AMOT: variants seen among roughly 807,000 people sequenced by gnomAD.
AMOT encodes angiomotin.
Under a neutral mutation model 67.0 loss-of-function variants are expected in AMOT, and 11 were observed. That is an observed-to-expected ratio of 0.16 (90% CI 0.10 to 0.27). The LOEUF is 0.27. Among genes scored for constraint, AMOT ranks in the 10% least tolerant of loss-of-function variants. The pLI, the probability that AMOT is intolerant of heterozygous loss-of-function variation, is 1.00. For synonymous variants in AMOT, 326 were observed against 321.4 expected, an observed-to-expected ratio of 1.01 and a Z score of -0.15; for missense variants, 753 against 852.0, an observed-to-expected ratio of 0.88 and a Z score of 1.45.
At chrX:112,784,065 G>A (rs112080636) in intron 10 of AMOT, among the ~76,000 whole-genome samples, 6,602 of 111,805 alleles carry the variant, frequency 0.059, 173 homozygotes, top group Middle Eastern at 0.098. Context: ...ACCATTTATG[G>A]AATGATGAAA....
At chrX:112,827,108 C>T (rs1357242338) in intron 2 of AMOT, among the ~76,000 whole-genome samples, 1 of 112,687 alleles carries the variant, frequency 8.9e-6, no homozygotes, top group African/African-American at 3.2e-5. Context: ...CTGCCTGCCT[C>T]GGTCTCCCAA....
intron 2 of AMOT, among the ~76,000 whole-genome samples, chrX:112,831,201 C>T (rs764839053): frequency 9.1e-6 from 1 of 110,261 alleles, no homozygotes; most frequent in African/African-American, 3.3e-5. Flanking sequence ...GGTTTAACAA[C>T]AGTGGACACA....
At chrX:112,811,414 ATGG>A (rs1295742186) in intron 5 of AMOT, 21 bp from the exon 6 acceptor site, 1 of 1,193,901 alleles carries the variant, frequency 8.4e-7, no homozygotes, top group Admixed American at 2.2e-5. Context: ...AAAAAAGACA[ATGG>A]TGGTGATGGT....
At chrX:112,840,384 C>A (rs1935262936) in intron 1 of AMOT, 68 bp downstream of exon 1, 1 of 112,674 alleles carries the variant, frequency 8.9e-6, no homozygotes, top group Non-Finnish European at 1.9e-5. Context: ...GCCGAGGGCA[C>A]GACCAAGTTC....
At chrX:112,835,933 A>G (rs994931437) in intron 1 of AMOT, among the ~76,000 whole-genome samples, 16 of 111,799 alleles carry the variant, frequency 1.4e-4, no homozygotes, top group African/African-American at 5.2e-4. Context: ...TTGTTATCAA[A>G]GGAAAATTAA....
chrX:112,804,898 T>TGGCCCCC, intron 8 of AMOT, 49 bp downstream of exon 8: 2 of 837,583 alleles, frequency 2.4e-6, no homozygotes, highest in Non-Finnish European at 1.7e-6. Context: ...GTCCCCGATT[T>TGGCCCCC]CCCAGCCCTC....
chrX:112,790,575 A>C lies in AMOT; in HGVS notation c.2117+17T>G. 8.5e-7 allele frequency: 1 copy of C among 1,174,136 alleles called. No individual in the cohort carries two copies. Among genetic ancestry groups the C allele is most frequent in the Non-Finnish European group, 1.1e-6 (1 of 875,301 alleles). On this transcript the variant is annotated intron_variant, in intron 10 of 13. Transcript: ENST00000371959. The stretch of plus-strand genomic sequence containing the variant: ...TTTCTGTTCTTCCCACTCATGCCCT[A>C]CCAGCTACCTACTTACCTCTGAGCA...
At chrX:112,822,150 T>G in intron 4 of AMOT, 105 bp downstream of exon 4, 1 of 998,538 alleles carries the variant, frequency 1.0e-6, no homozygotes, top group Non-Finnish European at 1.3e-6. Context: ...CATTGCAGAG[T>G]TTGTTATATC....
intron 11 of AMOT, among the ~76,000 whole-genome samples, chrX:112,781,943 C>T (rs763275645): frequency 3.6e-5 from 4 of 111,830 alleles, no homozygotes; most frequent in Non-Finnish European, 7.5e-5. Context: ...GGCTGGAGTG[C>T]AATGGCATGA....
In AMOT at chrX:112,788,166, A is replaced by G. The variant is rs192475180; in HGVS notation, c.2117+2426T>C. ...TAGCCAGGCGTGGTGGCACACGCCT[A>G]TAGTCCCAGCTGCTTGGGAGGCTGA... On this transcript the variant is annotated intron_variant, in intron 10 of 13. Transcript: ENST00000371959. Among the ~76,000 whole-genome samples the G allele has an allele frequency of 1.0e-4, 11 of 109,994 alleles. No individual in the cohort carries two copies. The East Asian group carries it at 1.1e-3, about 11-fold the overall frequency.
intron 8 of AMOT, among the ~76,000 whole-genome samples, chrX:112,797,386 A>G (rs1490310834): frequency 9.0e-6 from 1 of 111,688 alleles, no homozygotes; most frequent in East Asian, 2.8e-4. Flanking sequence ...ACACACATGC[A>G]TGCACATACA....
At chrX:112,803,504 T>G (rs760762300) in intron 8 of AMOT, among the ~76,000 whole-genome samples, 29 of 112,261 alleles carry the variant, frequency 2.6e-4, no homozygotes, top group Non-Finnish European at 4.7e-4. Flanking sequence ...GTTGAGCAAC[T>G]TAGCATAGTT....
chrX:112,796,211 C>T (rs1933809948), intron 8 of AMOT, among the ~76,000 whole-genome samples: 1 of 111,777 alleles, frequency 8.9e-6, no homozygotes, highest in Non-Finnish European at 1.9e-5. Flanking sequence ...GGCGTAAAAA[C>T]AAAAGTTTTG....
At chrX:112,827,676 C>T (rs1239091752) in intron 2 of AMOT, among the ~76,000 whole-genome samples, 1 of 112,053 alleles carries the variant, frequency 8.9e-6, no homozygotes, top group Non-Finnish European at 1.9e-5. Flanking sequence ...ATTCTTACTC[C>T]ATTTGCAGTC....
At chrX:112,809,786 T>C (rs748885713) in intron 7 of AMOT, 108 bp downstream of exon 7, 80 of 623,483 alleles carry the variant, frequency 1.3e-4, no homozygotes, top group Non-Finnish European at 2.0e-4. Flanking sequence ...TAGGTGATAT[T>C]GACTCTGCCC....
chrX:112,804,766 A>T (rs1268644826), intron 8 of AMOT, among the ~76,000 whole-genome samples, 181 bp downstream of exon 8: 1 of 111,733 alleles, frequency 8.9e-6, no homozygotes, highest in Non-Finnish European at 1.9e-5. Flanking sequence ...AAAAGAATTT[A>T]CCAAGAAGAG....
intron 8 of AMOT, among the ~76,000 whole-genome samples, chrX:112,802,278 C>T (rs966648522): frequency 2.7e-5 from 3 of 112,139 alleles, no homozygotes; most frequent in Non-Finnish European, 3.8e-5. Context: ...TGAGTCACAG[C>T]AGCAAAGCAA....
At chrX:112,780,031 A>G (rs1419731614) in intron 12 of AMOT, among the ~76,000 whole-genome samples, 3 of 110,231 alleles carry the variant, frequency 2.7e-5, no homozygotes, top group Non-Finnish European at 5.7e-5. Context: ...TATTTTTCCA[A>G]TGGTGATTGG....
intron 4 of AMOT, among the ~76,000 whole-genome samples, chrX:112,819,652 C>T (rs183732807): frequency 2.7e-5 from 3 of 112,399 alleles, no homozygotes; most frequent in African/African-American, 9.7e-5. Context: ...ATTCAGATAG[C>T]CTTTGCCTTG....
Sources: allele counts gnomAD v4.1 joint callset (sites outside exome capture counted in the v4.1 genomes callset), GRCh38; gene constraint gnomAD v4.1.1; transcripts MANE v1.5; gene names NCBI Gene and HGNC (gene_info 2026-07-23, HGNC 2026-07-21).